MTMR9: variants seen among roughly 807,000 people sequenced by gnomAD.
The protein encoded by MTMR9 is myotubularin-related protein 9.
A neutral mutation model predicts 69.5 loss-of-function variants in MTMR9; 39 were observed. The observed-to-expected ratio is 0.56, with a 90% CI of 0.43 to 0.73. The LOEUF (loss-of-function observed/expected upper bound fraction) is 0.73, where lower values mean the gene tolerates loss of function less well. Among genes scored for constraint, MTMR9 ranks in the 30% least tolerant of loss-of-function variants. MTMR9 has a pLI of 0.00. For missense variants in MTMR9, 900 were observed against 671.2 expected (o/e 1.34, Z -3.77); for synonymous variants, 354 against 240.8 (o/e 1.47, Z -4.35).
At chr8:11,338,181 A>G in the MTMR9 span, among the ~76,000 whole-genome samples, 203 of 152,368 alleles carry the variant, frequency 1.3e-3, 1 homozygote, top group African/African-American at 4.3e-3. Context: ...GATGGTCTTT[A>G]GTAAATGAAG....
rs1019114950 is a variant in MTMR9 at position 11,298,724 on chromosome 8, C to CG, written c.292-1299_292-1298insG. ...ATGGTATCCTTTCCCCGCTGCACCCCCCCCCCGCCATCCAGTATAGAAATA... is the reference window on the plus strand; with the variant it reads ...ATGGTATCCTTTCCCCGCTGCACCCCGCCCCCCGCCATCCAGTATAGAAATA... On this transcript the variant is annotated intron_variant, in intron 2 of 9. Coordinates refer to ENST00000221086, the MANE Select transcript of MTMR9 (RefSeq NM_015458.4). 3 of 895,660 alleles carry CG rather than the reference C, an allele frequency of 3.3e-6. No homozygotes were observed. In the African/African-American group the frequency reaches 5.5e-5, roughly 16 times the overall value. 55.5% of individuals were successfully genotyped at this position (895,660 alleles called of 1,614,324 possible). A position where few individuals can be genotyped will look rare whatever the true frequency, so the allele number is the denominator to read the frequency against.
chr8:11,298,928 A>T, intron 2 of MTMR9: 1 of 938,340 alleles, frequency 1.1e-6, no homozygotes, highest in Non-Finnish European at 1.3e-6. Context: ...TTGAGAATGG[A>T]TCCCTGCAGC....
At chr8:11,298,795 A>G (rs1174823558) in intron 2 of MTMR9, 2 of 975,920 alleles carry the variant, frequency 2.0e-6, no homozygotes, top group Non-Finnish European at 2.4e-6. Context: ...CTGCCTAGTG[A>G]TAGAGACTTT....
At position 11,324,555 on chromosome 8, in the gene MTMR9, C is replaced by T. The variant is rs1228759706; in HGVS notation, c.*1767C>T. The T allele has an allele frequency of 6.6e-6, 1 of 150,386 alleles. No individual in the cohort carries two copies. Among genetic ancestry groups the T allele is most frequent in the Non-Finnish European group, 1.5e-5 (1 of 67,740 alleles). 9.3% of individuals were successfully genotyped at this position (150,386 alleles called of 1,614,324 possible). A position where few individuals can be genotyped will look rare whatever the true frequency, so the allele number is the denominator to read the frequency against. ...GAAACAGCCTCACTTTTTTGTGCTC[C>T]CTCAGAATTGCTTGCTATGTCTGTT... is the stretch of plus-strand genomic sequence containing the variant. On this transcript the variant is annotated 3_prime_UTR_variant, in exon 10 of 10. Transcript: ENST00000221086.
rs981013880 is a variant in MTMR9, at chr8:11,314,734, A to G, written c.972-189A>G. Among the ~76,000 whole-genome samples the G allele has an allele frequency of 9.2e-5, 14 of 152,064 alleles. No homozygotes were observed. The East Asian group carries it at 2.5e-3, about 27-fold the overall frequency. The stretch of plus-strand genomic sequence containing the variant: ...ATTTTTTCCCAAGAGAATCTTATCT[A>G]TCGTATGCCTTAGATTTAGATTTAG... On this transcript the variant is annotated intron_variant, in intron 6 of 9. Transcript: ENST00000221086.
At chr8:11,333,049 A>G (rs1801293941), downstream of MTMR9, among the ~76,000 whole-genome samples, 1 of 152,226 alleles carries the variant, frequency 6.6e-6, no homozygotes, top group Non-Finnish European at 1.5e-5. Flanking sequence ...GTGGACCAAC[A>G]TATGGTTTAT....
At chr8:11,316,534 T>C (rs1585131318) in intron 7 of MTMR9, 139 bp from the exon 8 acceptor site, 1 of 488,304 alleles carries the variant, frequency 2.0e-6, no homozygotes. Context: ...AAATCATTAA[T>C]CTGTACAACA....
the MTMR9 span, among the ~76,000 whole-genome samples, chr8:11,338,343 T>C: frequency 0.01 from 1,566 of 152,288 alleles, 22 homozygotes; most frequent in African/African-American, 0.035. Flanking sequence ...CAATAAGAAA[T>C]GTGCTAGTGA....
At chr8:11,334,329 G>A in the MTMR9 span, among the ~76,000 whole-genome samples, 1 of 152,168 alleles carries the variant, frequency 6.6e-6, no homozygotes, top group Non-Finnish European at 1.5e-5. Context: ...AAAAATAAAT[G>A]TTATTGAGCA....
chr8:11,285,284 G>GC, intron 1 of MTMR9: 1 of 519,948 alleles, frequency 1.9e-6, no homozygotes, highest in Non-Finnish European at 3.4e-6. Context: ...CAGGGTTATC[G>GC]TGTGGCTGGT....
downstream of MTMR9, among the ~76,000 whole-genome samples, chr8:11,328,344 C>CGTGTGTGTGTGTGTGT (rs151066674): frequency 3.3e-5 from 3 of 90,894 alleles, no homozygotes; most frequent in African/African-American, 9.0e-5. Context: ...TTTAATACCA[C>CGTGTGTGTGTGTGTGT]GTGTGTGTGT....
chr8:11,308,508 C>G (rs575932526), intron 5 of MTMR9, among the ~76,000 whole-genome samples: 1 of 152,086 alleles, frequency 6.6e-6, no homozygotes, highest in Non-Finnish European at 1.5e-5. Context: ...GATGGGAGGT[C>G]TTTTTAATCT....
rs1021328118 is a variant in MTMR9, at chr8:11,326,456, C to T, written c.*3668C>T. ...TATCAGAGAATGAAGTCATTCAGTACATCTGATAAAGTTTTGTTGTTGTTG... is the reference window on the plus strand; with the variant it reads ...TATCAGAGAATGAAGTCATTCAGTATATCTGATAAAGTTTTGTTGTTGTTG... On this transcript the variant is annotated 3_prime_UTR_variant, in exon 10 of 10. Transcript: ENST00000221086. 21 of 143,736 alleles carry T rather than the reference C, an allele frequency of 1.5e-4. No individual in the cohort carries two copies. The highest frequency in any genetic ancestry group is 4.5e-4 in the African/African-American group (17 of 38,056). 8.9% of individuals were successfully genotyped at this position (143,736 alleles called of 1,614,324 possible).
chr8:11,305,457 C>G (rs959778132), intron 4 of MTMR9, among the ~76,000 whole-genome samples: 55 of 152,186 alleles, frequency 3.6e-4, no homozygotes, highest in African/African-American at 1.3e-3. Context: ...AGTCACAACT[C>G]TAGTAAACAC....
rs1051810652 is a variant in MTMR9 at position 11,327,713 on chromosome 8, A to G, written c.*4925A>G. 6 of 152,682 alleles carry G rather than the reference A, an allele frequency of 3.9e-5. No homozygotes were observed. Among genetic ancestry groups the G allele is most frequent in the African/African-American group, 1.4e-4 (6 of 41,466 alleles). The allele number at this position is 152,682 out of a possible 1,614,324, so 9.5% of individuals were successfully genotyped here. On this transcript the variant is annotated 3_prime_UTR_variant, in exon 10 of 10. Coordinates refer to ENST00000221086, the MANE Select transcript of MTMR9 (RefSeq NM_015458.4). ...AAGTGCACTATTATTCATGGCTTAT[A>G]CAATAAAATTGCACTGTATGGCAAA...
chr8:11,288,687 A>G (rs1799278187), intron 1 of MTMR9, among the ~76,000 whole-genome samples: 1 of 152,222 alleles, frequency 6.6e-6, no homozygotes, highest in African/African-American at 2.4e-5. Flanking sequence ...AGGGATAAGC[A>G]GTGGTCAGAC....
chr8:11,338,713 G>A, the MTMR9 span, among the ~76,000 whole-genome samples: 2 of 152,132 alleles, frequency 1.3e-5, no homozygotes, highest in African/African-American at 4.8e-5. Flanking sequence ...CAGCTGGCAC[G>A]ATGAAAAATT....
In MTMR9 at chr8:11,315,115, C is replaced by A. The variant is rs760378166; in HGVS notation, c.1113+51C>A. ...AGGAACTGCTTATTGATGCTGTGAT[C>A]CTGCTTTGTGTGGTAGCTGACATAA... On this transcript the variant is annotated intron_variant, in intron 7 of 9. Coordinates refer to ENST00000221086, the MANE Select transcript of MTMR9 (RefSeq NM_015458.4). 4 of 1,585,634 alleles carry A rather than the reference C, an allele frequency of 2.5e-6. No individual in the cohort carries two copies. The East Asian group carries it at 9.0e-5, about 36-fold the overall frequency.
At chr8:11,333,501 C>T in the MTMR9 span, among the ~76,000 whole-genome samples, 3 of 152,058 alleles carry the variant, frequency 2.0e-5, no homozygotes, top group African/African-American at 7.2e-5. Flanking sequence ...ACAAGAAATG[C>T]TAAAGGGGGT....
Sources: allele counts gnomAD v4.1 joint callset (sites outside exome capture counted in the v4.1 genomes callset), GRCh38; gene constraint gnomAD v4.1.1; transcripts MANE v1.5; gene names NCBI Gene and HGNC (gene_info 2026-07-23, HGNC 2026-07-21).